The following MYO5B variants were observed in gnomAD, a reference collection of about 807,000 sequenced individuals.
MYO5B encodes myosin VB, also known as unconventional myosin-Vb.
A neutral mutation model predicts 229.3 loss-of-function variants in MYO5B; 143 were observed. That is an observed-to-expected ratio of 0.62 (90% CI 0.54 to 0.72). MYO5B has a LOEUF of 0.72. MYO5B is among the 30% of genes least tolerant of loss of function. MYO5B has a pLI of 0.00. For missense variants in MYO5B, 2,321 were observed against 2,331.0 expected (o/e 1.00, Z 0.09); for synonymous variants, 918 against 885.2 (o/e 1.04, Z -0.66).
intron 30 of MYO5B, among the ~76,000 whole-genome samples, chr18:49,854,521 T>C (rs2024237902): frequency 6.6e-6 from 1 of 152,202 alleles, no homozygotes; most frequent in South Asian, 2.1e-4. Context: ...CTTAGTTACT[T>C]AAACCAGCTT....
chr18:49,841,293 G>T, intron 35 of MYO5B, 72 bp downstream of exon 35: 4 of 1,401,354 alleles, frequency 2.9e-6, no homozygotes, highest in South Asian at 1.2e-5. Flanking sequence ...ACCTCTGAGG[G>T]TATACAAAGC....
At position 49,902,951 on chromosome 18, in the gene MYO5B, CACAG is replaced by C. The variant is rs2024860049; in HGVS notation, c.2572-122_2572-119del. 3.8e-6 allele frequency: 5 copies of C among 1,302,468 alleles called. No homozygotes were observed. In the East Asian group the frequency reaches 7.6e-5, roughly 20 times the overall value. The allele number at this position is 1,302,468 out of a possible 1,614,324, so 80.7% of individuals were successfully genotyped here. A position where few individuals can be genotyped will look rare whatever the true frequency, so the allele number is the denominator to read the frequency against. ...AGGGCAGCCTTGGTTCTAGGAGTTA[CACAG>C]ACAATGTGCCCCCTAAGATCTAAGG... On this transcript the variant is annotated intron_variant, in intron 20 of 39. Transcript: ENST00000285039.
intron 17 of MYO5B, among the ~76,000 whole-genome samples, chr18:49,913,719 T>C (rs1303471588): frequency 6.6e-6 from 1 of 152,066 alleles, no homozygotes. Flanking sequence ...GCATTCCTGT[T>C]TTTGCAACCA....
At chr18:49,887,705 G>C (rs1296969983) in intron 22 of MYO5B, among the ~76,000 whole-genome samples, 1 of 151,982 alleles carries the variant, frequency 6.6e-6, no homozygotes, top group Admixed American at 6.6e-5. Flanking sequence ...TTTTGAGATG[G>C]AGTCTCCCTC....
At chr18:50,052,997 G>T (rs1434031693) in intron 2 of MYO5B, among the ~76,000 whole-genome samples, 2 of 152,162 alleles carry the variant, frequency 1.3e-5, no homozygotes, top group Admixed American at 6.5e-5. Flanking sequence ...GCACGAGGTT[G>T]GTTGGAAGAG....
chr18:50,081,268 AG>A (rs1438578245), intron 1 of MYO5B, among the ~76,000 whole-genome samples: 1 of 152,216 alleles, frequency 6.6e-6, no homozygotes, highest in African/African-American at 2.4e-5. Context: ...GGCTGACCAA[AG>A]ATGACCTGTT....
intron 22 of MYO5B, among the ~76,000 whole-genome samples, chr18:49,890,059 T>C (rs997182965): frequency 1.3e-5 from 2 of 152,188 alleles, no homozygotes; most frequent in Non-Finnish European, 2.9e-5. Flanking sequence ...GTTCCTGATC[T>C]TTCATGAACA....
At chr18:50,053,646 A>G (rs1332789833) in intron 2 of MYO5B, among the ~76,000 whole-genome samples, 1 of 147,004 alleles carries the variant, frequency 6.8e-6, no homozygotes, top group African/African-American at 2.5e-5. Flanking sequence ...CCTACTAGGA[A>G]GAGGAATGTG....
At chr18:49,940,379 C>T (rs1006696666) in intron 14 of MYO5B, among the ~76,000 whole-genome samples, 1 of 152,132 alleles carries the variant, frequency 6.6e-6, no homozygotes, top group Non-Finnish European at 1.5e-5. Context: ...TAGAACTGTT[C>T]TCAGAACCTG....
chr18:50,079,789 C>A (rs1047959979), intron 1 of MYO5B, among the ~76,000 whole-genome samples: 3 of 151,952 alleles, frequency 2.0e-5, no homozygotes, highest in African/African-American at 7.3e-5. Flanking sequence ...GCTATGTAAC[C>A]CCTGGGCAAC....
intron 7 of MYO5B, among the ~76,000 whole-genome samples, chr18:49,985,432 C>T (rs2025860426): frequency 1.3e-5 from 2 of 152,114 alleles, no homozygotes; most frequent in Admixed American, 6.6e-5. Flanking sequence ...AGGAAGGGCC[C>T]AGGTGGTGTC....
intron 1 of MYO5B, among the ~76,000 whole-genome samples, chr18:50,126,220 A>C (rs1261428264): frequency 6.6e-6 from 1 of 152,250 alleles, no homozygotes; most frequent in African/African-American, 2.4e-5. Flanking sequence ...CTTATATTTT[A>C]CCATAATAAA....
chr18:50,069,733 G>C (rs1337922964), intron 1 of MYO5B, among the ~76,000 whole-genome samples: 1 of 152,094 alleles, frequency 6.6e-6, no homozygotes, highest in Non-Finnish European at 1.5e-5. Context: ...AGGAAGTTAA[G>C]GAACCTAGAT....
chr18:49,849,685 G>C lies in MYO5B; in HGVS notation c.4222-25C>G, dbSNP rs1598830985. 8 of 1,574,418 alleles carry C rather than the reference G, an allele frequency of 5.1e-6. No homozygotes were observed. The South Asian group carries it at 8.9e-5, about 17-fold the overall frequency. ...CCTGGAAGCAGAGGAAGCAGTGTGA[G>C]AACAGACATCAGCCCGGCCTGGGAT... On this transcript the variant is annotated intron_variant, in intron 31 of 39. Transcript: ENST00000285039.
intron 18 of MYO5B, among the ~76,000 whole-genome samples, chr18:49,911,686 C>T (rs1213746018): frequency 2.6e-5 from 4 of 152,166 alleles, no homozygotes; most frequent in Admixed American, 6.5e-5. Flanking sequence ...CAGCAGGGAG[C>T]CTGTAAGTGG....
In MYO5B at chr18:49,847,298, G is replaced by A. The variant is rs1433742224; in HGVS notation, c.4316-9C>T. On this transcript the variant is annotated splice_polypyrimidine_tract_variant and intron_variant, in intron 32 of 39. Coordinates refer to ENST00000285039, the MANE Select transcript of MYO5B (RefSeq NM_001080467.3). ...GGCCAATGCCTGGGCAGCTGAGCAG[G>A]AAAGAAAACAGGAAGCATGGATGAG... 1.7e-5 allele frequency: 27 copies of A among 1,612,586 alleles called. No individual in the cohort carries two copies. Among genetic ancestry groups the A allele is most frequent in the Non-Finnish European group, 2.2e-5 (26 of 1,179,800 alleles).
chr18:49,856,942 G>A (rs1173898025), intron 29 of MYO5B, 52 bp from the exon 30 acceptor site: 4 of 1,471,310 alleles, frequency 2.7e-6, no homozygotes, highest in East Asian at 2.3e-5. Flanking sequence ...GGAAGAGACA[G>A]GCAGGCAGGG....
At chr18:49,857,335 A>C (rs995629919) in intron 29 of MYO5B, among the ~76,000 whole-genome samples, 8 of 152,152 alleles carry the variant, frequency 5.3e-5, no homozygotes, top group African/African-American at 1.4e-4. Context: ...GAGAACCCTA[A>C]GTGTGCATGG....
chr18:50,109,783 A>C (rs1599027694), intron 1 of MYO5B, among the ~76,000 whole-genome samples: 1 of 152,282 alleles, frequency 6.6e-6, no homozygotes, highest in East Asian at 1.9e-4. Context: ...TCATCCGGCC[A>C]ACGGCAGCAC....
Sources: gnomAD v4.1 joint callset for allele counts (sites outside exome capture counted in the v4.1 genomes callset) on GRCh38, gnomAD v4.1.1 for gene constraint, MANE v1.5 for transcripts, NCBI Gene and HGNC (gene_info 2026-07-23, HGNC 2026-07-21) for gene names.